Variants in GK5 observed in about 807,000 individuals in gnomAD.
GK5 encodes the protein ATP:glycerol 3-phosphotransferase 5.
GK5 carries 39 observed loss-of-function variants against 77.3 expected under a neutral mutation model. The observed-to-expected ratio is 0.50, with a 90% CI of 0.39 to 0.66. The LOEUF (loss-of-function observed/expected upper bound fraction) is 0.66, where lower values mean the gene tolerates loss of function less well. Among genes scored for constraint, GK5 ranks in the 30% least tolerant of loss-of-function variants. GK5 has a pLI of 0.00. For synonymous variants in GK5, 211 were observed against 208.0 expected, an observed-to-expected ratio of 1.01 and a Z score of -0.13; for missense variants, 487 against 633.8, an observed-to-expected ratio of 0.77 and a Z score of 2.49.
chr3:142,212,829 CT>C (rs746328758), intron 3 of GK5, among the ~76,000 whole-genome samples: 1 of 40,354 alleles, frequency 2.5e-5, no homozygotes, highest in African/African-American at 1.2e-4. Flanking sequence ...CAAATATTTT[CT>C]TTTTTTTTTC....
chr3:142,181,566 C>T lies in GK5; in HGVS notation c.944-1G>A, dbSNP rs576956571. The T allele has an allele frequency of 4.4e-6, 7 of 1,599,250 alleles. No individual in the cohort carries two copies. The highest frequency in any genetic ancestry group is 1.1e-5 in the South Asian group (1 of 89,864). ...TTCCACCCAATTAATGGATAAAAGCCTTGCAAAACAAACAACGAATGTTAA... is the reference window on the plus strand; with the variant it reads ...TTCCACCCAATTAATGGATAAAAGCTTTGCAAAACAAACAACGAATGTTAA... On this transcript the variant is annotated splice_acceptor_variant, in intron 10 of 15. Coordinates refer to ENST00000392993, the MANE Select transcript of GK5 (RefSeq NM_001039547.3). LOFTEE classifies it high-confidence loss of function.
At chr3:142,185,412 C>CAAAA (rs58554339) in intron 9 of GK5, 2 of 725,122 alleles carry the variant, frequency 2.8e-6, no homozygotes, top group Non-Finnish European at 3.3e-6. Flanking sequence ...GACCCTGTCT[C>CAAAA]AAAAAAAAAA....
At chr3:142,166,690 C>G (rs533858108) in intron 15 of GK5, among the ~76,000 whole-genome samples, 2 of 152,252 alleles carry the variant, frequency 1.3e-5, no homozygotes, top group South Asian at 4.1e-4. Context: ...CGTGCCACCA[C>G]GCCCGGCTAA....
intron 6 of GK5, among the ~76,000 whole-genome samples, chr3:142,187,113 CA>C (rs1276133002): frequency 2.6e-5 from 4 of 152,142 alleles, no homozygotes; most frequent in Admixed American, 2.6e-4. Flanking sequence ...AGCAAAATGG[CA>C]GATTTGTTAC....
At chr3:142,176,991 C>T (rs987916487) in intron 12 of GK5, among the ~76,000 whole-genome samples, 2 of 152,102 alleles carry the variant, frequency 1.3e-5, no homozygotes, top group African/African-American at 2.4e-5. Flanking sequence ...AAGTTTAAAA[C>T]TTACAAATGT....
intron 1 of GK5, among the ~76,000 whole-genome samples, chr3:142,223,806 C>T (rs188060692): frequency 6.6e-6 from 1 of 152,194 alleles, no homozygotes; most frequent in Non-Finnish European, 1.5e-5. Context: ...CCATTGCACT[C>T]CAGCCTGGGT....
intron 1 of GK5, among the ~76,000 whole-genome samples, chr3:142,220,543 C>T (rs988007760): frequency 3.3e-5 from 5 of 152,160 alleles, no homozygotes; most frequent in African/African-American, 4.8e-5. Context: ...CACCTCTACT[C>T]ACCTTGGCTC....
intron 5 of GK5, among the ~76,000 whole-genome samples, chr3:142,193,339 T>C (rs1336978918): frequency 2.0e-5 from 3 of 152,178 alleles, no homozygotes; most frequent in African/African-American, 7.2e-5. Context: ...ATATCAATTT[T>C]GTTAGGAAAT....
chr3:142,194,297 G>A (rs1426786542), intron 5 of GK5, among the ~76,000 whole-genome samples: 3 of 151,964 alleles, frequency 2.0e-5, no homozygotes, highest in East Asian at 1.9e-4. Flanking sequence ...AGGTCGAGGC[G>A]GGCAGATCAC....
At chr3:142,173,712 C>CA (rs553242974) in intron 12 of GK5, among the ~76,000 whole-genome samples, 1 of 141,566 alleles carries the variant, frequency 7.1e-6, no homozygotes, top group African/African-American at 2.7e-5. Flanking sequence ...AAAACAAAAA[C>CA]AAAAAACATG....
intron 9 of GK5, 101 bp from the exon 10 acceptor site, chr3:142,183,150 C>T (rs1474093477): frequency 1.1e-5 from 12 of 1,046,026 alleles, no homozygotes; most frequent in African/African-American, 3.2e-5. Flanking sequence ...TAAACATCTT[C>T]GTTTCTTTTT....
intron 3 of GK5, among the ~76,000 whole-genome samples, chr3:142,206,976 G>A (rs545568166): frequency 9.2e-5 from 14 of 152,292 alleles, no homozygotes; most frequent in African/African-American, 2.9e-4. Flanking sequence ...TATGGCTACA[G>A]AATAAAAGAT....
chr3:142,225,282 C>G, intron 1 of GK5, 27 bp downstream of exon 1: 1 of 1,516,840 alleles, frequency 6.6e-7, no homozygotes, highest in East Asian at 2.6e-5. Context: ...CAGTCAGACC[C>G]GCGCCCCACG....
intron 11 of GK5, among the ~76,000 whole-genome samples, chr3:142,179,102 GAAGAA>G (rs2063660376): frequency 6.6e-6 from 1 of 152,200 alleles, no homozygotes; most frequent in South Asian, 2.1e-4. Flanking sequence ...GCAAAGATCA[GAAGAA>G]AAGACTCAGT....
At chr3:142,210,764 T>G (rs1027654899) in intron 3 of GK5, among the ~76,000 whole-genome samples, 5 of 152,238 alleles carry the variant, frequency 3.3e-5, no homozygotes, top group African/African-American at 1.2e-4. Flanking sequence ...TTCCTTCTAA[T>G]GGTGATGTAT....
chr3:142,170,496 C>A, intron 14 of GK5, 38 bp from the exon 15 acceptor site: 2 of 1,537,734 alleles, frequency 1.3e-6, no homozygotes, highest in East Asian at 2.3e-5. Flanking sequence ...ATTACTACAA[C>A]AAAAGTATCA....
chr3:142,225,553 A>G lies in GK5; in HGVS notation c.-98T>C. ...CCCCGGGCGGCCCAACCCGGGCCCC[A>G]ACCCGGCTCAGCCGGAGAGCCTAGA... On this transcript the variant is annotated 5_prime_UTR_variant, in exon 1 of 16. Coordinates refer to ENST00000392993, the MANE Select transcript of GK5 (RefSeq NM_001039547.3). 6.9e-7 allele frequency: 1 copy of G among 1,442,986 alleles called. No homozygotes were observed. Among genetic ancestry groups the G allele is most frequent in the Non-Finnish European group, 9.2e-7 (1 of 1,084,126 alleles). 89.4% of individuals were successfully genotyped at this position (1,442,986 alleles called of 1,614,324 possible).
At chr3:142,216,532 A>G (rs943552804) in intron 1 of GK5, among the ~76,000 whole-genome samples, 23 of 152,032 alleles carry the variant, frequency 1.5e-4, no homozygotes, top group Admixed American at 1.2e-3. Flanking sequence ...GTCAACCCCT[A>G]TGGCTTTTTT....
chr3:142,179,164 T>TA (rs2063660879), intron 11 of GK5, among the ~76,000 whole-genome samples: 1 of 152,216 alleles, frequency 6.6e-6, no homozygotes, highest in Non-Finnish European at 1.5e-5. Flanking sequence ...AAGTTGACTT[T>TA]ATATCATTTT....
Sources: allele counts gnomAD v4.1 joint callset (sites outside exome capture counted in the v4.1 genomes callset), GRCh38; gene constraint gnomAD v4.1.1; transcripts MANE v1.5; gene names NCBI Gene and HGNC (gene_info 2026-07-23, HGNC 2026-07-21).